Variants in TNFRSF10D observed in about 807,000 individuals in gnomAD.
The protein encoded by TNFRSF10D is TNF receptor superfamily member 10d.
A neutral mutation model predicts 42.1 loss-of-function variants in TNFRSF10D; 28 were observed. The ratio of observed to expected loss-of-function variants is 0.66; its 90% confidence interval spans 0.49 to 0.91. The LOEUF is 0.91. TNFRSF10D is among the 40% of genes least tolerant of loss of function. The pLI is 0.00. For synonymous variants in TNFRSF10D, 186 were observed against 189.4 expected (o/e 0.98, Z 0.15); for missense variants, 503 against 486.1 (o/e 1.03, Z -0.33).
chr8:23,163,668 G>A, intron 1 of TNFRSF10D, 118 bp downstream of exon 1: 1 of 1,480,966 alleles, frequency 6.8e-7, no homozygotes, highest in Non-Finnish European at 9.1e-7. Context: ...GTCCTGCCCA[G>A]ACATGCCCGG....
Position 23,145,841 on chromosome 8 carries a change from G to A in TNFRSF10D, c.563C>T (p.Ser188Phe). 2 of 1,614,230 alleles carry A rather than the reference G, an allele frequency of 1.2e-6. No individual in the cohort carries two copies. The highest frequency in any genetic ancestry group is 1.7e-6 in the Non-Finnish European group (2 of 1,180,044). Residue 188 changes from serine (S) to phenylalanine (F), a missense_variant, in exon 5 of 9, where the codon TCC (serine) becomes TTC (phenylalanine). Ser to Phe is a radical substitution (Grantham distance 155). Coordinates refer to ENST00000312584, the MANE Select transcript of TNFRSF10D (RefSeq NM_003840.5). ...IKCKNESAASSTGKTPAAEET... is the reference protein window; with the variant it reads ...IKCKNESAASFTGKTPAAEET... Reference sequence around the variant, plus strand: ...CTCCGCTGCTGGGGTTTTCCCAGTGGAACTGGCAGCTGATTCATTTTTGCA... The same window carrying A: ...CTCCGCTGCTGGGGTTTTCCCAGTGAAACTGGCAGCTGATTCATTTTTGCA...
At chr8:23,159,878 G>A (rs1354211885) in intron 1 of TNFRSF10D, among the ~76,000 whole-genome samples, 4 of 151,456 alleles carry the variant, frequency 2.6e-5, no homozygotes, top group Non-Finnish European at 2.9e-5. Context: ...AAAAGAAGTC[G>A]TACGTGCTTT....
At chr8:23,147,700 G>A (rs1800143535) in intron 3 of TNFRSF10D, among the ~76,000 whole-genome samples, 1 of 152,150 alleles carries the variant, frequency 6.6e-6, no homozygotes. Context: ...GCTGAGGCAA[G>A]CGGATCACCT....
chr8:23,154,984 G>A lies in TNFRSF10D; in HGVS notation c.151-5C>T, dbSNP rs201550706. 18 of 1,606,988 alleles carry A rather than the reference G, an allele frequency of 1.1e-5. No homozygotes were observed. In the Admixed American group the frequency reaches 2.7e-4, roughly 24 times the overall value. ...GGTGGCAGAGTCAACCCGGACCTGT[G>A]GGGACAAGGCAGAGATGGGCTTGAG... On this transcript the variant is annotated splice_region_variant and splice_polypyrimidine_tract_variant and intron_variant, in intron 1 of 8. Transcript: ENST00000312584.
At chr8:23,156,810 G>A (rs1800287883) in intron 1 of TNFRSF10D, among the ~76,000 whole-genome samples, 1 of 152,110 alleles carries the variant, frequency 6.6e-6, no homozygotes, top group African/African-American at 2.4e-5. Context: ...CAAGCGTTCT[G>A]CCTGCCTGAG....
At chr8:23,156,633 C>T (rs1284123947) in intron 1 of TNFRSF10D, among the ~76,000 whole-genome samples, 1 of 151,074 alleles carries the variant, frequency 6.6e-6, no homozygotes, top group Non-Finnish European at 1.5e-5. Context: ...GGTGTAATCT[C>T]TGCTCACTAC....
chr8:23,136,248 G>A lies in TNFRSF10D; in HGVS notation c.*1622C>T, dbSNP rs938168380. 4.1e-5 allele frequency: 10 copies of A among 242,048 alleles called. No individual in the cohort carries two copies. Among genetic ancestry groups the A allele is most frequent in the East Asian group, 2.6e-4 (2 of 7,672 alleles). The allele number at this position is 242,048 out of a possible 1,614,324, so 15.0% of individuals were successfully genotyped here. A position where few individuals can be genotyped will look rare whatever the true frequency, so the allele number is the denominator to read the frequency against. On this transcript the variant is annotated 3_prime_UTR_variant, in exon 9 of 9. Coordinates refer to ENST00000312584, the MANE Select transcript of TNFRSF10D (RefSeq NM_003840.5). ...AGGTTTTTAAATAAAATAATGGAACGTGACACAAGGACAAATGTGTCAGCC... is the reference window on the plus strand; with the variant it reads ...AGGTTTTTAAATAAAATAATGGAACATGACACAAGGACAAATGTGTCAGCC...
chr8:23,159,691 G>A (rs1003806168), intron 1 of TNFRSF10D, among the ~76,000 whole-genome samples: 2 of 151,860 alleles, frequency 1.3e-5, no homozygotes, highest in African/African-American at 2.4e-5. Flanking sequence ...ACAAAACCCC[G>A]TCTCTACTAA....
At chr8:23,149,320 C>A (rs1800179416) in intron 2 of TNFRSF10D, among the ~76,000 whole-genome samples, 1 of 151,838 alleles carries the variant, frequency 6.6e-6, no homozygotes, top group Non-Finnish European at 1.5e-5. Context: ...TCACTGCAAC[C>A]TCCACCTCCC....
rs75815588 is a variant in TNFRSF10D at position 23,152,343 on chromosome 8, G to A, written c.256+2531C>T. On this transcript the variant is annotated intron_variant, in intron 2 of 8. Transcript: ENST00000312584. Reference sequence around the variant, plus strand: ...GTGGGGAGCAAGAGACAGAGAGAGAGGACCCGTGGGACTACACCTTTATAA... The same window carrying A: ...GTGGGGAGCAAGAGACAGAGAGAGAAGACCCGTGGGACTACACCTTTATAA... Among the ~76,000 whole-genome samples, 693 of 152,270 alleles carry A rather than the reference G, an allele frequency of 4.6e-3. 7 individuals carry two copies. The highest frequency in any genetic ancestry group is 0.015 in the African/African-American group (621 of 41,562).
chr8:23,144,522 T>C lies in TNFRSF10D; in HGVS notation c.882A>G (p.Glu294=). ...YLQPTQVSEQ[E]IQGQELAELT... Reference sequence around the variant, plus strand: ...GCTCTGCCAGCTCCTGACCTTGGATTTCCTGCTCAGAGACCTGGGTGGGCT... The same window carrying C: ...GCTCTGCCAGCTCCTGACCTTGGATCTCCTGCTCAGAGACCTGGGTGGGCT... Residue 294 remains glutamate (E), a synonymous_variant, in exon 7 of 9, where the codon GAA becomes GAG. Transcript: ENST00000312584. 1 of 1,614,192 alleles carries C rather than the reference T, an allele frequency of 6.2e-7. No homozygotes were observed. The highest frequency in any genetic ancestry group is 8.5e-7 in the Non-Finnish European group (1 of 1,180,022).
At chr8:23,138,750 A>AAC (rs1309009800) in intron 7 of TNFRSF10D, among the ~76,000 whole-genome samples, 925 of 152,270 alleles carry the variant, frequency 6.1e-3, no homozygotes, top group African/African-American at 0.019. Context: ...AATTAAATAA[A>AAC]ATGGCAGTCT....
intron 1 of TNFRSF10D, among the ~76,000 whole-genome samples, chr8:23,160,140 C>T (rs142537078): frequency 6.6e-6 from 1 of 152,290 alleles, no homozygotes; most frequent in Non-Finnish European, 1.5e-5. Context: ...TTCCTGGTGT[C>T]ACCTCACCCA....
chr8:23,152,895 G>T (rs1045935631), intron 2 of TNFRSF10D, among the ~76,000 whole-genome samples: 2 of 152,052 alleles, frequency 1.3e-5, no homozygotes, highest in Admixed American at 6.6e-5. Context: ...AACCACAAAA[G>T]ACCTCAAATA....
At chr8:23,155,128 G>A in intron 1 of TNFRSF10D, 149 bp from the exon 2 acceptor site, 1 of 618,636 alleles carries the variant, frequency 1.6e-6, no homozygotes, top group Non-Finnish European at 2.8e-6. Flanking sequence ...TTGCATCCGT[G>A]TTTGTCCCCT....
chr8:23,138,727 A>G (rs1298086093), intron 7 of TNFRSF10D, among the ~76,000 whole-genome samples: 4 of 152,222 alleles, frequency 2.6e-5, no homozygotes, highest in African/African-American at 9.6e-5. Flanking sequence ...GTACTCTACC[A>G]TATCAATAGC....
chr8:23,146,873 T>A (rs999190013), intron 4 of TNFRSF10D, 88 bp downstream of exon 4: 1 of 1,157,582 alleles, frequency 8.6e-7, no homozygotes, highest in Non-Finnish European at 1.3e-6. Context: ...GGAGGATCCA[T>A]GGGGTCAGCG....
Position 23,140,018 on chromosome 8 carries a change from G to A in TNFRSF10D, c.955-1758C>T, listed in dbSNP as rs151185881. Among the ~76,000 whole-genome samples, 1,081 of 152,014 alleles carry A rather than the reference G, an allele frequency of 7.1e-3. 7 individuals are homozygous for A. The highest frequency in any genetic ancestry group is 8.7e-3 in the African/African-American group (361 of 41,446). On this transcript the variant is annotated intron_variant, in intron 7 of 8. Coordinates refer to ENST00000312584, the MANE Select transcript of TNFRSF10D (RefSeq NM_003840.5). ...AAATTAACGGGGCGTAGCTGGGTAC[G>A]GTGGCTCACGCCTGTAATCTCAGCA...
At chr8:23,157,485 A>T (rs903041678) in intron 1 of TNFRSF10D, among the ~76,000 whole-genome samples, 2 of 152,138 alleles carry the variant, frequency 1.3e-5, no homozygotes, top group Non-Finnish European at 2.9e-5. Flanking sequence ...ATCTTGGTGA[A>T]AGTATCATGA....
Sources: gnomAD v4.1 joint callset for allele counts (sites outside exome capture counted in the v4.1 genomes callset) on GRCh38, gnomAD v4.1.1 for gene constraint, MANE v1.5 for transcripts, NCBI Gene and HGNC (gene_info 2026-07-23, HGNC 2026-07-21) for gene names.